Variants in VWA3A observed in about 807,000 individuals in gnomAD.
VWA3A encodes von Willebrand factor A domain-containing protein 3A.
VWA3A carries 134 observed loss-of-function variants against 160.4 expected under a neutral mutation model. That is an observed-to-expected ratio of 0.84 (90% CI 0.73 to 0.96). VWA3A has a LOEUF of 0.96. VWA3A is among the 40% of genes least tolerant of loss of function. The pLI, the probability that VWA3A is intolerant of heterozygous loss-of-function variation, is 0.00. For synonymous variants in VWA3A, 476 were observed against 543.4 expected, an observed-to-expected ratio of 0.88 and a Z score of 1.72; for missense variants, 1,310 against 1,447.9, an observed-to-expected ratio of 0.90 and a Z score of 1.55.
At chr16:22,115,294 A>T in intron 8 of VWA3A, 53 bp from the exon 9 acceptor site, 2 of 1,506,626 alleles carry the variant, frequency 1.3e-6, no homozygotes, top group Non-Finnish European at 1.8e-6. Context: ...AATTAAAATG[A>T]AATTCAATAC....
chr16:22,094,736 C>T (rs932500621), intron 1 of VWA3A, among the ~76,000 whole-genome samples: 3 of 152,070 alleles, frequency 2.0e-5, no homozygotes, highest in Non-Finnish European at 4.4e-5. Flanking sequence ...GAGGCCAAGG[C>T]AAGTGGATCA....
rs972727906 is a variant in VWA3A, at chr16:22,139,984, G to C, written c.2293-170G>C. On this transcript the variant is annotated intron_variant, in intron 22 of 33. Coordinates refer to ENST00000389398, the MANE Select transcript of VWA3A (RefSeq NM_173615.5). ...CCATACTTTTTCACCTCAAAACCCAGAGTCCCTTCTGAATCTGCTGCAGGA... is the reference window on the plus strand; with the variant it reads ...CCATACTTTTTCACCTCAAAACCCACAGTCCCTTCTGAATCTGCTGCAGGA... 2.0e-5 allele frequency among the ~76,000 whole-genome samples: 3 copies of C among 152,006 alleles called. No individual in the cohort carries two copies. The East Asian group carries it at 5.8e-4, about 29-fold the overall frequency.
intron 9 of VWA3A, among the ~76,000 whole-genome samples, 187 bp downstream of exon 9, chr16:22,115,659 C>T (rs1384684499): frequency 1.3e-5 from 2 of 148,246 alleles, no homozygotes; most frequent in Non-Finnish European, 3.0e-5. Flanking sequence ...CAGTGAGACC[C>T]TATCTCTTAA....
intron 28 of VWA3A, among the ~76,000 whole-genome samples, chr16:22,149,318 C>T (rs913569662): frequency 6.6e-6 from 1 of 152,142 alleles, no homozygotes; most frequent in Non-Finnish European, 1.5e-5. Flanking sequence ...TAGCTCGCTG[C>T]AGCCTCAACG....
chr16:22,096,365 GA>G (rs1408377808), intron 1 of VWA3A, among the ~76,000 whole-genome samples: 2 of 152,180 alleles, frequency 1.3e-5, no homozygotes, highest in African/African-American at 4.8e-5. Context: ...TAGGGAGGCT[GA>G]GGAGGATCTC....
Position 22,154,681 on chromosome 16 carries a change from G to A in VWA3A, c.3406-886G>A, listed in dbSNP as rs796486002. On this transcript the variant is annotated intron_variant, in intron 31 of 33. Transcript: ENST00000389398. ...TTTAAAAAGCATGCCTCAGCCGGGC[G>A]CGGTGGCTCACGCCTGTAATCCCAG... 3.3e-5 allele frequency among the ~76,000 whole-genome samples: 5 copies of A among 151,660 alleles called. No individual in the cohort carries two copies. In the South Asian group the frequency reaches 6.2e-4, roughly 19 times the overall value.
rs1279339414 is a variant in VWA3A, at chr16:22,123,348, G to A, written c.1437+183G>A. On this transcript the variant is annotated intron_variant, in intron 15 of 33. Coordinates refer to ENST00000389398, the MANE Select transcript of VWA3A (RefSeq NM_173615.5). ...CTCCTCCCCAAGCAGGGACCTCAATGCCTTTAAAAAAAAAAAAGGCTTCTA... is the reference window on the plus strand; with the variant it reads ...CTCCTCCCCAAGCAGGGACCTCAATACCTTTAAAAAAAAAAAAGGCTTCTA... 2.4e-6 allele frequency: 3 copies of A among 1,231,398 alleles called. No homozygotes were observed. In the African/African-American group the frequency reaches 4.6e-5, roughly 19 times the overall value. The allele number at this position is 1,231,398 out of a possible 1,614,324, so 76.3% of individuals were successfully genotyped here. A position where few individuals can be genotyped will look rare whatever the true frequency, so the allele number is the denominator to read the frequency against.
intron 16 of VWA3A, among the ~76,000 whole-genome samples, chr16:22,125,705 G>A (rs766953715): frequency 1.3e-5 from 2 of 152,122 alleles, no homozygotes; most frequent in Non-Finnish European, 2.9e-5. Flanking sequence ...TTACAGGCGT[G>A]AGCCACCGCG....
intron 8 of VWA3A, among the ~76,000 whole-genome samples, chr16:22,114,931 A>G (rs957648242): frequency 4.0e-5 from 6 of 151,768 alleles, no homozygotes; most frequent in Non-Finnish European, 8.8e-5. Flanking sequence ...TCAGCCTCCC[A>G]AGTAGCTGGG....
intron 3 of VWA3A, among the ~76,000 whole-genome samples, chr16:22,099,008 A>C (rs964240278): frequency 6.7e-6 from 1 of 150,322 alleles, no homozygotes; most frequent in Non-Finnish European, 1.5e-5. Flanking sequence ...AGGAAGGAGG[A>C]TCACTTGAGC....
In VWA3A at chr16:22,133,110, C is replaced by A; in HGVS notation, c.2068+15C>A. On this transcript the variant is annotated intron_variant, in intron 20 of 33. Coordinates refer to ENST00000389398, the MANE Select transcript of VWA3A (RefSeq NM_173615.5). ...TGGAGACACAGGTACATGACTGTTTCCTCATCCCTTCAGCTCATTCCAAAC... is the reference window on the plus strand; with the variant it reads ...TGGAGACACAGGTACATGACTGTTTACTCATCCCTTCAGCTCATTCCAAAC... The A allele has an allele frequency of 6.2e-7, 1 of 1,606,384 alleles. No homozygotes were observed. Among genetic ancestry groups the A allele is most frequent in the African/African-American group, 1.3e-5 (1 of 74,886 alleles).
rs1014118406 is a variant in VWA3A, at chr16:22,123,770, G to T, written c.1532+63G>T. On this transcript the variant is annotated intron_variant, in intron 16 of 33. Transcript: ENST00000389398. ...CTGGTGTGTGACGTGACATTTATCCGCCTCATGAATTCCCTGTTGGTAGCA... is the reference window on the plus strand; with the variant it reads ...CTGGTGTGTGACGTGACATTTATCCTCCTCATGAATTCCCTGTTGGTAGCA... The T allele has an allele frequency of 3.5e-6, 5 of 1,444,152 alleles. No homozygotes were observed. The South Asian group carries it at 6.2e-5, about 18-fold the overall frequency. The allele number at this position is 1,444,152 out of a possible 1,614,324, so 89.5% of individuals were successfully genotyped here. A position where few individuals can be genotyped will look rare whatever the true frequency, so the allele number is the denominator to read the frequency against.
intron 28 of VWA3A, 71 bp downstream of exon 28, chr16:22,148,377 C>T (rs186811386): frequency 6.7e-4 from 1,011 of 1,509,932 alleles, no homozygotes; most frequent in Non-Finnish European, 8.4e-4. Context: ...AGCACGCCCC[C>T]TCTTCTCAGT....
intron 30 of VWA3A, 145 bp downstream of exon 30, chr16:22,150,991 G>A: frequency 1.8e-6 from 2 of 1,091,040 alleles, no homozygotes; most frequent in Non-Finnish European, 2.5e-6. Context: ...CAGAAATTAG[G>A]AGAAGCGGCC....
chr16:22,129,579 C>T (rs76516298), intron 17 of VWA3A, among the ~76,000 whole-genome samples: 3,228 of 151,994 alleles, frequency 0.021, 115 homozygotes, highest in African/African-American at 0.073. Flanking sequence ...CTGAGACACT[C>T]AAGAGTTTGG....
chr16:22,151,550 TA>T (rs1346739316), intron 30 of VWA3A, among the ~76,000 whole-genome samples: 2 of 152,210 alleles, frequency 1.3e-5, no homozygotes, highest in Non-Finnish European at 2.9e-5. Context: ...TTGTCATGGT[TA>T]TTTTTTTTTA....
At chr16:22,113,188 G>T (rs984835604) in intron 8 of VWA3A, among the ~76,000 whole-genome samples, 2 of 151,052 alleles carry the variant, frequency 1.3e-5, no homozygotes, top group Admixed American at 1.3e-4. Context: ...TGGTTTTTTT[G>T]TCTTTTTGTT....
At chr16:22,150,065 AAC>A in intron 29 of VWA3A, 134 bp downstream of exon 29, 1 of 1,270,278 alleles carries the variant, frequency 7.9e-7, no homozygotes, top group Non-Finnish European at 1.1e-6. Context: ...TCATCTTCCC[AAC>A]ACCCGAGTGA....
rs904243878 is a variant in VWA3A at position 22,097,689 on chromosome 16, C to T, written c.219C>T (p.Asp73=). 1 of 1,551,622 alleles carries T rather than the reference C, an allele frequency of 6.4e-7. No homozygotes were observed. Among genetic ancestry groups the T allele is most frequent in the Non-Finnish European group, 8.7e-7 (1 of 1,146,930 alleles). ...LLVTHVNQTQ[D]LLRLQGSETQ... ...TTACACATGTTAACCAGACACAGGA[C>T]TTACTGGTAAAGACCATGGCACTTT... The change falls in exon 3 of 34, where the codon GAC becomes GAT. Residue 73 remains aspartate, a synonymous_variant. Transcript: ENST00000389398.
Sources: gnomAD v4.1 joint callset for allele counts (sites outside exome capture counted in the v4.1 genomes callset) on GRCh38, gnomAD v4.1.1 for gene constraint, MANE v1.5 for transcripts, NCBI Gene and HGNC (gene_info 2026-07-23, HGNC 2026-07-21) for gene names.